Variants in GALNTL6 observed in about 807,000 individuals in gnomAD.
GALNTL6 encodes polypeptide N-acetylgalactosaminyltransferase-like 6.
GALNTL6 carries 46 observed loss-of-function variants against 73.7 expected under a neutral mutation model. The ratio of observed to expected loss-of-function variants is 0.62; its 90% CI spans 0.49 to 0.80. The LOEUF is 0.80. GALNTL6 is among the 30% of genes least tolerant of loss of function. The pLI is 0.00. For missense variants in GALNTL6, 604 were observed against 755.0 expected (o/e 0.80, Z 2.34); for synonymous variants, 259 against 263.7 (o/e 0.98, Z 0.17).
At chr4:172,564,640 A>G (rs1736492844) in intron 5 of GALNTL6, among the ~76,000 whole-genome samples, 1 of 152,244 alleles carries the variant, frequency 6.6e-6, no homozygotes, top group Non-Finnish European at 1.5e-5. Context: ...GCAAACATAA[A>G]GAGAAACCAG....
chr4:171,862,059 A>G (rs1467306628), intron 2 of GALNTL6, among the ~76,000 whole-genome samples: 1 of 152,196 alleles, frequency 6.6e-6, no homozygotes, highest in Admixed American at 6.5e-5. Flanking sequence ...ACACGAGGTA[A>G]AGAAACTTGT....
chr4:172,138,477 C>CTACATATATATA (rs1429796548), intron 2 of GALNTL6, among the ~76,000 whole-genome samples: 8 of 8,696 alleles, frequency 9.2e-4, no homozygotes, highest in African/African-American at 3.1e-3. Context: ...CTTGGACTGC[C>CTACATATATATA]TATATATATA....
chr4:172,293,983 C>T (rs951329686), intron 3 of GALNTL6, among the ~76,000 whole-genome samples: 8 of 151,228 alleles, frequency 5.3e-5, no homozygotes, highest in African/African-American at 1.5e-4. Context: ...TACTTACCTA[C>T]GGTCATTTTT....
At chr4:172,749,423 T>C (rs1413817724) in intron 5 of GALNTL6, among the ~76,000 whole-genome samples, 1 of 152,200 alleles carries the variant, frequency 6.6e-6, no homozygotes, top group African/African-American at 2.4e-5. Flanking sequence ...CCGTTTGTTT[T>C]CAAAACATCC....
At chr4:172,441,796 A>C (rs1370701923) in intron 5 of GALNTL6, among the ~76,000 whole-genome samples, 2 of 152,150 alleles carry the variant, frequency 1.3e-5, no homozygotes, top group African/African-American at 4.8e-5. Flanking sequence ...TAATCTGTAC[A>C]TGAAACTACC....
At chr4:172,333,703 G>A (rs1180762136) in intron 4 of GALNTL6, among the ~76,000 whole-genome samples, 1 of 152,018 alleles carries the variant, frequency 6.6e-6, no homozygotes, top group Admixed American at 6.6e-5. Flanking sequence ...AGTCCCTCTT[G>A]TCTATTCTTG....
intron 5 of GALNTL6, among the ~76,000 whole-genome samples, chr4:172,361,221 T>C (rs1742357584): frequency 1.3e-5 from 2 of 152,132 alleles, no homozygotes; most frequent in South Asian, 4.1e-4. Context: ...ATTTATCCTA[T>C]ACAATAGTAA....
chr4:172,336,975 A>G (rs900284267), intron 4 of GALNTL6, among the ~76,000 whole-genome samples: 1 of 152,182 alleles, frequency 6.6e-6, no homozygotes, highest in Non-Finnish European at 1.5e-5. Flanking sequence ...TTATTGTTGA[A>G]TTGAAGTCTT....
intron 3 of GALNTL6, among the ~76,000 whole-genome samples, chr4:172,306,133 A>T (rs1054784191): frequency 3.3e-5 from 5 of 152,186 alleles, no homozygotes; most frequent in Admixed American, 3.3e-4. Context: ...TCATGCCTGT[A>T]ATCTCAGCAC....
intron 5 of GALNTL6, among the ~76,000 whole-genome samples, chr4:172,744,014 C>G (rs9994337): frequency 6.6e-6 from 1 of 151,892 alleles, no homozygotes; most frequent in African/African-American, 2.4e-5. Flanking sequence ...TATTACCCTC[C>G]TCTAGAGGGG....
rs201557937 is a variant in GALNTL6 at position 172,177,784 on chromosome 4, C to T, written c.139-51872C>T. ...GTATATATATGTACACATATATACA[C>T]ATGTGTATATATATACACACACATA... On this transcript the variant is annotated intron_variant, in intron 2 of 12. Coordinates refer to ENST00000506823, the MANE Select transcript of GALNTL6 (RefSeq NM_001034845.3). Among the ~76,000 whole-genome samples the T allele has an allele frequency of 1.4e-4, 8 of 58,264 alleles. 1 individual carries two copies. Among genetic ancestry groups the T allele is most frequent in the Non-Finnish European group, 1.8e-4 (4 of 22,026 alleles). 38.2% of individuals were successfully genotyped at this position (58,264 alleles called of 152,430 possible). A position where few individuals can be genotyped will look rare whatever the true frequency, so the allele number is the denominator to read the frequency against.
intron 7 of GALNTL6, among the ~76,000 whole-genome samples, chr4:172,879,324 C>T (rs1745341962): frequency 6.6e-6 from 1 of 151,868 alleles, no homozygotes; most frequent in South Asian, 2.1e-4. Context: ...ATGGAATACA[C>T]ATCCTTTTCA....
At chr4:172,673,081 T>TTCTCAAAATAC (rs1371257568) in intron 5 of GALNTL6, among the ~76,000 whole-genome samples, 2 of 152,236 alleles carry the variant, frequency 1.3e-5, no homozygotes, top group African/African-American at 4.8e-5. Context: ...TTGCTCTTGA[T>TTCTCAAAATAC]TCTCTAGTTC....
At chr4:172,215,602 A>C (rs1405834738) in intron 2 of GALNTL6, among the ~76,000 whole-genome samples, 2 of 152,046 alleles carry the variant, frequency 1.3e-5, no homozygotes, top group African/African-American at 2.4e-5. Context: ...ATCCTATCCT[A>C]GTCTTTATAT....
intron 10 of GALNTL6, among the ~76,000 whole-genome samples, chr4:172,983,536 A>G (rs1751164859): frequency 1.3e-5 from 2 of 152,164 alleles, no homozygotes; most frequent in African/African-American, 4.8e-5. Flanking sequence ...CTCTACAAAT[A>G]ATACAAAAAG....
chr4:172,177,581 T>C (rs760723484), intron 2 of GALNTL6, among the ~76,000 whole-genome samples: 6 of 151,966 alleles, frequency 3.9e-5, no homozygotes, highest in Non-Finnish European at 8.8e-5. Context: ...ATTTGATTAC[T>C]GTTCACTTAT....
intron 9 of GALNTL6, among the ~76,000 whole-genome samples, chr4:172,947,703 G>C (rs1042526547): frequency 9.2e-5 from 14 of 152,066 alleles, no homozygotes; most frequent in African/African-American, 3.4e-4. Context: ...GCTGTTATTG[G>C]AATGTTTCCA....
chr4:172,864,938 A>C (rs73870304), intron 7 of GALNTL6, among the ~76,000 whole-genome samples: 2,325 of 152,320 alleles, frequency 0.015, 58 homozygotes, highest in African/African-American at 0.054. Flanking sequence ...TCAGGGGAAC[A>C]ATAGCCATAG....
chr4:172,352,566 C>G (rs1741977772), intron 5 of GALNTL6, among the ~76,000 whole-genome samples: 1 of 152,138 alleles, frequency 6.6e-6, no homozygotes, highest in Non-Finnish European at 1.5e-5. Flanking sequence ...TTAACGGCAT[C>G]CACATGGAAA....
Sources: allele counts gnomAD v4.1 joint callset (sites outside exome capture counted in the v4.1 genomes callset), GRCh38; gene constraint gnomAD v4.1.1; transcripts MANE v1.5; gene names NCBI Gene and HGNC (gene_info 2026-07-23, HGNC 2026-07-21).